The following PATL1 variants were observed in gnomAD, a reference collection of about 807,000 sequenced individuals.
PATL1 encodes PAT1 homolog 1, processing body mRNA decay factor.
A neutral mutation model predicts 100.6 loss-of-function variants in PATL1; 32 were observed. The observed-to-expected ratio is 0.32, with a 90% CI of 0.24 to 0.43. The LOEUF (loss-of-function observed/expected upper bound fraction) is 0.43. Ranked by LOEUF, PATL1 falls within the 20% of genes least tolerant of loss-of-function variation. The probability of loss-of-function intolerance (pLI) is 1.00; values close to 1 mark genes in which losing one functional copy is unlikely to be tolerated. For synonymous variants in PATL1, 332 were observed against 330.0 expected (o/e 1.01, Z -0.07); for missense variants, 747 against 949.9 (o/e 0.79, Z 2.81).
At position 59,651,651 on chromosome 11, in the gene PATL1, CAAAAA is replaced by C; in HGVS notation, c.1427-15_1427-11del. On this transcript the variant is annotated splice_polypyrimidine_tract_variant and intron_variant, in intron 11 of 18. Transcript: ENST00000300146. ...GAGCCCTCAAATTGCACTGCAAAGA[CAAAAA>C]AAAAAAAAATTCCAACAAAATAAAA... 1 of 1,236,332 alleles carries C rather than the reference CAAAAA, an allele frequency of 8.1e-7. No homozygotes were observed. 76.6% of individuals were successfully genotyped at this position (1,236,332 alleles called of 1,614,324 possible).
intron 11 of PATL1, among the ~76,000 whole-genome samples, 178 bp downstream of exon 11, chr11:59,652,286 G>A (rs556984108): frequency 7.9e-5 from 12 of 152,048 alleles, no homozygotes; most frequent in African/African-American, 2.4e-4. Context: ...ATGTCAAAGC[G>A]TTCAGTCCAG....
chr11:59,642,859 G>C (rs772413725), intron 16 of PATL1, 21 bp downstream of exon 16: 2 of 1,602,514 alleles, frequency 1.2e-6, no homozygotes, highest in African/African-American at 2.7e-5. Context: ...AAAGTTCAAG[G>C]AGTTAAAAGG....
intron 15 of PATL1, among the ~76,000 whole-genome samples, chr11:59,646,170 C>T (rs1410716580): frequency 6.6e-6 from 1 of 152,082 alleles, no homozygotes; most frequent in Non-Finnish European, 1.5e-5. Context: ...ACACTGCTTA[C>T]AAATTATATG....
In PATL1 at chr11:59,654,020, G is replaced by A. The variant is rs755793315; in HGVS notation, c.1084C>T (p.Arg362Cys). ...PDTTHLHPQH[R>C]RLLHQRQQQN... The stretch of plus-strand genomic sequence containing the variant: ...TGCTGTCTCTGATGCAAGAGTCGAC[G>A]GTGCTGTGGATGGAGGTGAGTTGTG... The change falls in exon 9 of 19, where the codon CGT becomes TGT. Residue 362 changes from arginine to cysteine, a missense_variant. Around this residue, in one of 4 missense-constraint regions of PATL1, gnomAD observed 434 missense variants for 596.1 expected, o/e 0.73. Transcript: ENST00000300146. The A allele has an allele frequency of 2.5e-6, 4 of 1,613,600 alleles. No homozygotes were observed. The highest frequency in any genetic ancestry group is 1.7e-5 in the Admixed American group (1 of 59,998).
Position 59,637,734 on chromosome 11 carries a change from T to C in PATL1, c.*656A>G, listed in dbSNP as rs1700147957. 1 of 152,384 alleles carries C rather than the reference T, an allele frequency of 6.6e-6. No individual in the cohort carries two copies. Among genetic ancestry groups the C allele is most frequent in the African/African-American group, 2.4e-5 (1 of 41,468 alleles). The allele number at this position is 152,384 out of a possible 1,614,324, so 9.4% of individuals were successfully genotyped here. ...TTCTGATTTTATTAAACGTGCTGCATACTCTTTATTTATGTTAAAACAAGT... is the reference window on the plus strand; with the variant it reads ...TTCTGATTTTATTAAACGTGCTGCACACTCTTTATTTATGTTAAAACAAGT... On this transcript the variant is annotated 3_prime_UTR_variant, in exon 19 of 19. Transcript: ENST00000300146.
Position 59,656,174 on chromosome 11 carries a change from G to T in PATL1, c.724-129C>A. On this transcript the variant is annotated intron_variant, in intron 6 of 18. Transcript: ENST00000300146. ...CTCTCAAATTACAGAGTCAAGCTCT[G>T]GAATAGAAAAAAAGAGTAATGCTAG... is the stretch of plus-strand genomic sequence containing the variant. 3 of 587,362 alleles carry T rather than the reference G, an allele frequency of 5.1e-6. No homozygotes were observed. The East Asian group carries it at 9.4e-5, about 18-fold the overall frequency. The allele number at this position is 587,362 out of a possible 1,614,324, so 36.4% of individuals were successfully genotyped here.
At chr11:59,646,116 C>G (rs1367597449) in intron 15 of PATL1, among the ~76,000 whole-genome samples, 1 of 152,122 alleles carries the variant, frequency 6.6e-6, no homozygotes, top group Non-Finnish European at 1.5e-5. Context: ...ATCTCCCAAA[C>G]TTGTTTCCAC....
chr11:59,659,330 C>G lies in PATL1; in HGVS notation c.267G>C (p.Arg89Ser). 6.4e-7 allele frequency: 1 copy of G among 1,551,394 alleles called. No homozygotes were observed. The highest frequency in any genetic ancestry group is 8.7e-7 in the Non-Finnish European group (1 of 1,146,814). Reference protein sequence around the residue: ...LGDHEENLAERLSKMVIENEL... With the variant: ...LGDHEENLAESLSKMVIENEL... ...CATTTTCAATCACCATCTTACTGAG[C>G]CTTTCTGCCAGATTCTCCTCATGGT... Residue 89 changes from arginine (R) to serine (S), a missense_variant, in exon 3 of 19, where the codon AGG (arginine) becomes AGC (serine). By Grantham distance (110) the Arg-to-Ser change is moderately radical. Transcript: ENST00000300146.
chr11:59,651,638 T>G lies in PATL1; in HGVS notation c.1430A>C (p.Gln477Pro). 6.2e-7 allele frequency: 1 copy of G among 1,600,740 alleles called. No homozygotes were observed. The highest frequency in any genetic ancestry group is 8.5e-7 in the Non-Finnish European group (1 of 1,173,496). Residue 477 changes from glutamine to proline, a missense_variant, in exon 12 of 19, where the codon CAA (glutamine) becomes CCA (proline). Transcript: ENST00000300146. ...AAGCTTTCCCAAAGAGCCCTCAAAT[T>G]GCACTGCAAAGACAAAAAAAAAAAA... ...AKLEHAYKPV[Q>P]FEGSLGKLTV...
chr11:59,664,057 C>G (rs1861658277), intron 2 of PATL1, among the ~76,000 whole-genome samples: 1 of 152,122 alleles, frequency 6.6e-6, no homozygotes. Context: ...CTTTGGAAAT[C>G]TTTTCTCTAT....
intron 2 of PATL1, among the ~76,000 whole-genome samples, chr11:59,663,795 A>G (rs954624504): frequency 5.3e-5 from 8 of 151,910 alleles, no homozygotes; most frequent in African/African-American, 1.7e-4. Context: ...AATAGCAGGT[A>G]TTATTCCAGA....
At chr11:59,660,360 T>C (rs980928939) in intron 2 of PATL1, among the ~76,000 whole-genome samples, 5 of 152,144 alleles carry the variant, frequency 3.3e-5, no homozygotes, top group African/African-American at 7.2e-5. Flanking sequence ...AGAGAGATGA[T>C]AGACAATAAG....
intron 13 of PATL1, among the ~76,000 whole-genome samples, 168 bp downstream of exon 13, chr11:59,650,586 T>C (rs1861428235): frequency 1.3e-5 from 2 of 152,216 alleles, no homozygotes; most frequent in African/African-American, 4.8e-5. Context: ...AAACATACCA[T>C]AATCCTTTCC....
intron 2 of PATL1, among the ~76,000 whole-genome samples, chr11:59,661,034 T>G (rs150013574): frequency 6.6e-6 from 1 of 152,180 alleles, no homozygotes; most frequent in Admixed American, 6.5e-5. Context: ...TCCAATCTTA[T>G]TCCATTCTGC....
chr11:59,665,185 T>G (rs1861670217), intron 2 of PATL1, among the ~76,000 whole-genome samples: 1 of 152,208 alleles, frequency 6.6e-6, no homozygotes, highest in Non-Finnish European at 1.5e-5. Context: ...TTAAAACACC[T>G]TCATTTTTGC....
chr11:59,642,933 C>T lies in PATL1; in HGVS notation c.1996G>A (p.Ala666Thr), dbSNP rs1861308400. The change falls in exon 16 of 19, where the codon GCA (alanine) becomes ACA (threonine). Residue 666 changes from alanine to threonine, a missense_variant. By Grantham distance (58) the Ala-to-Thr change is moderately conservative. Coordinates refer to ENST00000300146, the MANE Select transcript of PATL1 (RefSeq NM_152716.3). ...GGATTGGAGAGTGCTGGTGTAGCTG[C>T]ACTTTGAGGTAGGTTCATTAGCTGT... ...LRQLMNLPQSAATPALSNPHL... is the reference protein window; with the variant it reads ...LRQLMNLPQSTATPALSNPHL... 2 of 1,613,834 alleles carry T rather than the reference C, an allele frequency of 1.2e-6. No homozygotes were observed. The highest frequency in any genetic ancestry group is 1.7e-5 in the Admixed American group (1 of 60,002).
chr11:59,639,439 CACT>C (rs1412677929), intron 16 of PATL1, 56 bp from the exon 17 acceptor site: 18 of 1,354,576 alleles, frequency 1.3e-5, no homozygotes, highest in Non-Finnish European at 1.8e-5. Context: ...CCTCCTCCAC[CACT>C]GTTGAAGGGA....
rs182011404 is a variant in PATL1 at position 59,654,375 on chromosome 11, G to A, written c.1032-303C>T. Among the ~76,000 whole-genome samples, 172 of 151,884 alleles carry A rather than the reference G, an allele frequency of 1.1e-3. 1 individual carries two copies. The highest frequency in any genetic ancestry group is 3.5e-3 in the African/African-American group (144 of 41,390). On this transcript the variant is annotated intron_variant, in intron 8 of 18. Transcript: ENST00000300146. Reference sequence around the variant, plus strand: ...GCCTGTAGTCCCAGCTACTTGGGAGGCTGAGGCAGTGGAATCGCTTGAGCC... The same window carrying A: ...GCCTGTAGTCCCAGCTACTTGGGAGACTGAGGCAGTGGAATCGCTTGAGCC...
rs376893702 is a variant in PATL1, at chr11:59,643,038, A to G, written c.1894-3T>C. On this transcript the variant is annotated splice_polypyrimidine_tract_variant and splice_region_variant and intron_variant, in intron 15 of 18. Transcript: ENST00000300146. Reference sequence around the variant, plus strand: ...GGACTCAGTAAGCATGGCAGCACCTACAAAAAACAAATAAAAGCATTATAT... The same window carrying G: ...GGACTCAGTAAGCATGGCAGCACCTGCAAAAAACAAATAAAAGCATTATAT... 4.6e-5 allele frequency: 75 copies of G among 1,613,238 alleles called. 1 individual carries two copies. The Middle Eastern group carries it at 6.6e-4, about 14-fold the overall frequency.
Sources: gnomAD v4.1 joint callset for allele counts (sites outside exome capture counted in the v4.1 genomes callset) on GRCh38, gnomAD v4.1.1 for gene constraint, gnomAD v4.1.1 regional missense constraint, MANE v1.5 for transcripts, NCBI Gene and HGNC (gene_info 2026-07-23, HGNC 2026-07-21) for gene names.